Variants in CACNG2 observed in about 807,000 individuals in gnomAD.
CACNG2 encodes the protein calcium voltage-gated channel auxiliary subunit gamma 2.
CACNG2 carries 3 observed loss-of-function variants against 25.9 expected under a neutral mutation model. That is an observed-to-expected ratio of 0.12 (90% CI 0.05 to 0.30). The LOEUF (loss-of-function observed/expected upper bound fraction) is 0.30, where lower values mean the gene tolerates loss of function less well. Among genes scored for constraint, CACNG2 ranks in the 10% least tolerant of loss-of-function variants. CACNG2 has a pLI of 1.00. For synonymous variants in CACNG2, 167 were observed against 173.3 expected (o/e 0.96, Z 0.29); for missense variants, 341 against 432.5 (o/e 0.79, Z 1.88).
At chr22:36,681,548 TG>T (rs11337880) in intron 1 of CACNG2, among the ~76,000 whole-genome samples, 104,728 of 152,086 alleles carry the variant, frequency 0.69, 36,766 homozygotes, top group African/African-American at 0.82. Context: ...ATCCATTTTT[TG>T]GGGGGCAGCC....
chr22:36,587,376 T>C (rs1935521738), intron 2 of CACNG2, 89 bp downstream of exon 2: 1 of 946,892 alleles, frequency 1.1e-6, no homozygotes, highest in Non-Finnish European at 1.8e-6. Flanking sequence ...GATGAGGGCC[T>C]CTAGGTAGGC....
intron 1 of CACNG2, among the ~76,000 whole-genome samples, chr22:36,696,664 T>A (rs1012795362): frequency 2.0e-5 from 3 of 151,852 alleles, no homozygotes; most frequent in Non-Finnish European, 4.4e-5. Flanking sequence ...ATATAATGAG[T>A]GGAGGACAGA....
chr22:36,655,076 G>A (rs1936683907), intron 1 of CACNG2, among the ~76,000 whole-genome samples: 2 of 152,158 alleles, frequency 1.3e-5, no homozygotes, highest in Admixed American at 1.3e-4. Flanking sequence ...GGCGTTTGCT[G>A]GAGGAGGCTC....
intron 1 of CACNG2, among the ~76,000 whole-genome samples, chr22:36,592,548 A>G (rs1282861152): frequency 6.6e-6 from 1 of 152,198 alleles, no homozygotes; most frequent in African/African-American, 2.4e-5. Flanking sequence ...TTTTCTATAT[A>G]CATCGAGTAT....
chr22:36,646,976 A>C (rs551274165), intron 1 of CACNG2, among the ~76,000 whole-genome samples: 1 of 152,222 alleles, frequency 6.6e-6, no homozygotes, highest in Admixed American at 6.5e-5. Context: ...CTTTATTCAA[A>C]TCATACAGTC....
chr22:36,622,530 C>A (rs62228786), intron 1 of CACNG2, among the ~76,000 whole-genome samples: 2,309 of 152,256 alleles, frequency 0.015, 42 homozygotes, highest in Non-Finnish European at 0.02. Context: ...GTAACACAAG[C>A]CATCTTGTGG....
intron 1 of CACNG2, among the ~76,000 whole-genome samples, chr22:36,619,205 C>A (rs911094809): frequency 2.0e-5 from 3 of 152,152 alleles, no homozygotes; most frequent in Admixed American, 2.0e-4. Flanking sequence ...TCAATCTATG[C>A]TCATTCCACT....
chr22:36,609,801 A>G (rs1935906894), intron 1 of CACNG2, among the ~76,000 whole-genome samples: 1 of 150,018 alleles, frequency 6.7e-6, no homozygotes, highest in Non-Finnish European at 1.5e-5. Flanking sequence ...TCAGGCAGGA[A>G]TCAGTCCCCC....
chr22:36,625,693 GTGTTTATCTTTAAC>G lies in CACNG2; in HGVS notation c.212-38159_212-38146del, dbSNP rs1603501988. On this transcript the variant is annotated intron_variant, in intron 1 of 3. Transcript: ENST00000300105. ...AAAGTAGCTCAGCTTTGGAGAAATC[GTGTTTATCTTTAAC>G]TACAGTTTAAAAAAATAATTTTTCA... Among the ~76,000 whole-genome samples the G allele has an allele frequency of 2.6e-5, 4 of 152,256 alleles. No individual in the cohort carries two copies. In the East Asian group the frequency reaches 7.7e-4, roughly 29 times the overall value.
intron 1 of CACNG2, among the ~76,000 whole-genome samples, chr22:36,676,932 T>TTGTGTGTGTGTGTGTGTGTGTGTG (rs138729815): frequency 5.1e-4 from 73 of 141,756 alleles, no homozygotes; most frequent in African/African-American, 9.7e-4. Flanking sequence ...TCTTCTAATA[T>TTGTGTGTGTGTGTGTGTGTGTGTG]TGTGTGTGTG....
intron 1 of CACNG2, among the ~76,000 whole-genome samples, chr22:36,698,168 C>T (rs550073438): frequency 6.6e-5 from 10 of 152,134 alleles, no homozygotes; most frequent in South Asian, 2.1e-4. Context: ...CTCTCTTCTT[C>T]GCCCTCTCTC....
chr22:36,608,385 A>G (rs1447461668), intron 1 of CACNG2, among the ~76,000 whole-genome samples: 1 of 152,106 alleles, frequency 6.6e-6, no homozygotes, highest in Non-Finnish European at 1.5e-5. Flanking sequence ...CTTATTTCAG[A>G]TTTCACAAGC....
At chr22:36,693,153 GA>G (rs1384716035) in intron 1 of CACNG2, among the ~76,000 whole-genome samples, 1 of 152,048 alleles carries the variant, frequency 6.6e-6, no homozygotes, top group Admixed American at 6.5e-5. Flanking sequence ...CTAAAAAAAA[GA>G]AAAAAGGGGA....
intron 1 of CACNG2, among the ~76,000 whole-genome samples, chr22:36,604,292 T>G (rs746828023): frequency 1.3e-5 from 2 of 152,216 alleles, no homozygotes; most frequent in East Asian, 3.8e-4. Flanking sequence ...TTTTTATGGA[T>G]AAGCAAAGAA....
chr22:36,665,244 G>C (rs1936859822), intron 1 of CACNG2, among the ~76,000 whole-genome samples: 1 of 152,202 alleles, frequency 6.6e-6, no homozygotes, highest in Admixed American at 6.5e-5. Flanking sequence ...GTGGGCCCTG[G>C]AGTCAAGCTG....
intron 1 of CACNG2, among the ~76,000 whole-genome samples, chr22:36,591,105 C>A (rs1345541534): frequency 6.6e-6 from 1 of 151,726 alleles, no homozygotes; most frequent in Admixed American, 6.6e-5. Context: ...GGCACAATCT[C>A]GGCTCACTGC....
In CACNG2 at chr22:36,702,692, T is replaced by C; in HGVS notation, c.-116A>G. 1.4e-6 allele frequency: 1 copy of C among 726,000 alleles called. No homozygotes were observed. Among genetic ancestry groups the C allele is most frequent in the South Asian group, 1.6e-5 (1 of 64,470 alleles). 45.0% of individuals were successfully genotyped at this position (726,000 alleles called of 1,614,324 possible). ...AAAATAAAAATTATTCCACTACTAA[T>C]ATAATGGATATATGTATGAATAGAG... On this transcript the variant is annotated 5_prime_UTR_variant, in exon 1 of 4. It adds an upstream start codon to the 5' untranslated region. Transcript: ENST00000300105.
intron 1 of CACNG2, among the ~76,000 whole-genome samples, chr22:36,677,222 G>C (rs1006229264): frequency 3.3e-5 from 5 of 152,152 alleles, no homozygotes; most frequent in African/African-American, 1.2e-4. Context: ...TTCAGAATCT[G>C]CAAGATCCTT....
intron 1 of CACNG2, among the ~76,000 whole-genome samples, chr22:36,634,644 A>G (rs1028656082): frequency 2.0e-5 from 3 of 152,200 alleles, no homozygotes; most frequent in Admixed American, 1.3e-4. Flanking sequence ...GGTATATAGC[A>G]GGGGTTTAAT....
Sources: gnomAD v4.1 joint callset for allele counts (sites outside exome capture counted in the v4.1 genomes callset) on GRCh38, gnomAD v4.1.1 for gene constraint, MANE v1.5 for transcripts, NCBI Gene and HGNC (gene_info 2026-07-23, HGNC 2026-07-21) for gene names.